Variants in OPCML observed in about 807,000 individuals in gnomAD.
The protein encoded by OPCML is opioid binding protein/cell adhesion molecule like, also known as opioid-binding protein/cell adhesion molecule.
In OPCML, 13 loss-of-function variants were observed where a neutral mutation model predicts 37.8. That is an observed-to-expected ratio of 0.34 (90% CI 0.22 to 0.55). OPCML has a LOEUF of 0.55. Ranked by LOEUF, OPCML falls within the 20% of genes least tolerant of loss-of-function variation. OPCML has a pLI of 0.91. For synonymous variants in OPCML, 176 were observed against 168.8 expected (o/e 1.04, Z -0.33); for missense variants, 341 against 435.6 (o/e 0.78, Z 1.93).
At chr11:132,817,475 G>A (rs561784744) in intron 2 of OPCML, among the ~76,000 whole-genome samples, 1 of 151,772 alleles carries the variant, frequency 6.6e-6, no homozygotes, top group African/African-American at 2.4e-5. Context: ...TTTGTCTTTG[G>A]AAAAAAAATT....
chr11:133,351,536 C>A (rs962883712), intron 1 of OPCML, among the ~76,000 whole-genome samples: 1 of 75,188 alleles, frequency 1.3e-5, no homozygotes, highest in South Asian at 4.6e-4. Flanking sequence ...TCACCTAAGC[C>A]TCTCCTTCTC....
chr11:132,568,287 GA>G (rs1049553408), intron 3 of OPCML, among the ~76,000 whole-genome samples: 5 of 152,002 alleles, frequency 3.3e-5, no homozygotes, highest in African/African-American at 4.8e-5. Flanking sequence ...TAATAGAAGG[GA>G]AAAAATCTGG....
At position 132,678,934 on chromosome 11, in the gene OPCML, C is replaced by T. The variant is rs775762183; in HGVS notation, c.147-21615G>A. 1.1e-4 allele frequency among the ~76,000 whole-genome samples: 17 copies of T among 152,088 alleles called. No individual in the cohort carries two copies. In the East Asian group the frequency reaches 1.9e-3, roughly 17 times the overall value. ...CCTCAGCTGTAACAATGGCCCACTC[C>T]GGTGGGGGTGGTGATGATGGGGAGG... On this transcript the variant is annotated intron_variant, in intron 2 of 7. Transcript: ENST00000524381.
At chr11:133,088,239 A>ACAT (rs10664981) in intron 1 of OPCML, among the ~76,000 whole-genome samples, 112,239 of 151,850 alleles carry the variant, frequency 0.74, 41,673 homozygotes, top group African/African-American at 0.8. Flanking sequence ...AAGTACTGAG[A>ACAT]CAGAAAACTT....
At chr11:133,142,303 C>T (rs1313273005) in intron 1 of OPCML, among the ~76,000 whole-genome samples, 3 of 152,160 alleles carry the variant, frequency 2.0e-5, no homozygotes, top group Non-Finnish European at 2.9e-5. Flanking sequence ...TCAACATGTT[C>T]CCCAGTGGCC....
chr11:133,024,148 C>T (rs982076739), intron 1 of OPCML, among the ~76,000 whole-genome samples: 11 of 152,168 alleles, frequency 7.2e-5, no homozygotes, highest in African/African-American at 2.4e-4. Context: ...ATGTTACAGA[C>T]ATGCATAAAA....
chr11:132,502,668 A>C (rs1215236003), intron 4 of OPCML, among the ~76,000 whole-genome samples: 1 of 152,336 alleles, frequency 6.6e-6, no homozygotes, highest in East Asian at 1.9e-4. Context: ...TTAATATGCA[A>C]ATTTTTAGCC....
At chr11:133,226,030 C>T (rs989987556) in intron 1 of OPCML, among the ~76,000 whole-genome samples, 1 of 152,244 alleles carries the variant, frequency 6.6e-6, no homozygotes, top group Admixed American at 6.5e-5. Flanking sequence ...AAGTTACCTG[C>T]ACCAGTTGGC....
At chr11:132,490,292 C>T (rs1467208532) in intron 4 of OPCML, among the ~76,000 whole-genome samples, 2 of 151,950 alleles carry the variant, frequency 1.3e-5, no homozygotes, top group Non-Finnish European at 2.9e-5. Flanking sequence ...CAACACCTCT[C>T]CTGGAAATCA....
chr11:132,521,487 G>A (rs554211184), intron 4 of OPCML, among the ~76,000 whole-genome samples: 1 of 152,098 alleles, frequency 6.6e-6, no homozygotes, highest in East Asian at 1.9e-4. Context: ...CATGTCCTTT[G>A]CAGGGACATG....
intron 3 of OPCML, 139 bp from the exon 4 acceptor site, chr11:132,529,325 G>T: frequency 9.4e-7 from 1 of 1,064,700 alleles, no homozygotes; most frequent in East Asian, 2.7e-5. Context: ...TGCTTGATTT[G>T]CCAAGGATAT....
intron 1 of OPCML, among the ~76,000 whole-genome samples, chr11:133,105,067 T>C (rs1949136975): frequency 6.6e-6 from 1 of 152,202 alleles, no homozygotes; most frequent in Non-Finnish European, 1.5e-5. Context: ...ATCCTTAAAC[T>C]TTATGGTTTA....
intron 1 of OPCML, chr11:133,422,373 G>C (rs1230152911): frequency 2.2e-6 from 2 of 898,458 alleles, no homozygotes; most frequent in Non-Finnish European, 2.5e-6. Flanking sequence ...TCAGACCAAA[G>C]ACATTATATA....
At chr11:133,237,327 T>C (rs11601287) in intron 1 of OPCML, among the ~76,000 whole-genome samples, 21,399 of 152,250 alleles carry the variant, frequency 0.14, 2,298 homozygotes, top group East Asian at 0.54. Context: ...TCCCATCACC[T>C]GATCACTTTT....
chr11:133,284,251 C>T (rs1178427863), intron 1 of OPCML, among the ~76,000 whole-genome samples: 1 of 152,172 alleles, frequency 6.6e-6, no homozygotes, highest in Admixed American at 6.5e-5. Flanking sequence ...TCATTACGAC[C>T]CAGTGCCTGA....
At chr11:133,257,371 C>G (rs914936868) in intron 1 of OPCML, among the ~76,000 whole-genome samples, 8 of 152,128 alleles carry the variant, frequency 5.3e-5, no homozygotes, top group Non-Finnish European at 1.0e-4. Context: ...TGGGATGATT[C>G]TCATTTTACT....
At chr11:132,478,705 T>C (rs1161339985) in intron 4 of OPCML, among the ~76,000 whole-genome samples, 1 of 152,218 alleles carries the variant, frequency 6.6e-6, no homozygotes, top group African/African-American at 2.4e-5. Context: ...TAATACTGCT[T>C]GAGCCTAGTA....
intron 1 of OPCML, among the ~76,000 whole-genome samples, chr11:133,022,786 G>A (rs1222437477): frequency 6.6e-6 from 1 of 152,138 alleles, no homozygotes; most frequent in Non-Finnish European, 1.5e-5. Context: ...AAGTGGCAAA[G>A]AGACCTAACC....
intron 1 of OPCML, among the ~76,000 whole-genome samples, chr11:132,977,199 T>C (rs1591870439): frequency 6.6e-6 from 1 of 152,320 alleles, no homozygotes; most frequent in African/African-American, 2.4e-5. Context: ...TCAATGGATA[T>C]TAGATATTTT....
Sources: allele counts gnomAD v4.1 joint callset (sites outside exome capture counted in the v4.1 genomes callset), GRCh38; gene constraint gnomAD v4.1.1; transcripts MANE v1.5; gene names NCBI Gene and HGNC (gene_info 2026-07-23, HGNC 2026-07-21).